The following ADARB1 variants were observed in gnomAD, a reference collection of about 807,000 sequenced individuals.
The protein encoded by ADARB1 is double-stranded RNA-specific editase 1.
In ADARB1, 10 loss-of-function variants were observed where a neutral mutation model predicts 52.4. The ratio of observed to expected loss-of-function variants is 0.19; its 90% CI spans 0.12 to 0.32. The LOEUF is 0.32. Ranked by LOEUF, ADARB1 falls within the 10% of genes least tolerant of loss-of-function variation. The pLI, the probability that ADARB1 is intolerant of heterozygous loss-of-function variation, is 1.00. For missense variants in ADARB1, 643 were observed against 922.3 expected, an observed-to-expected ratio of 0.70 and a Z score of 3.92; for synonymous variants, 349 against 371.1, an observed-to-expected ratio of 0.94 and a Z score of 0.68.
intron 2 of ADARB1, among the ~76,000 whole-genome samples, chr21:45,155,189 C>G (rs947433024): frequency 6.6e-6 from 1 of 152,198 alleles, no homozygotes; most frequent in African/African-American, 2.4e-5. Context: ...CTGGGCTCCC[C>G]CATGTTTCCA....
chr21:45,184,140 C>T (rs908008152), intron 7 of ADARB1, among the ~76,000 whole-genome samples: 26 of 152,146 alleles, frequency 1.7e-4, no homozygotes, highest in Admixed American at 1.4e-3. Flanking sequence ...TAAAATCATC[C>T]GTATTCCTGT....
intron 2 of ADARB1, chr21:45,134,790 T>G (rs1331091397): frequency 3.8e-6 from 2 of 533,020 alleles, no homozygotes; most frequent in African/African-American, 1.9e-5. Context: ...GCCAGGCCCA[T>G]GAGTGATGAA....
Position 45,183,503 on chromosome 21 carries a change from C to A in ADARB1, c.1389C>A (p.Ile463=). Residue 463 remains isoleucine, a synonymous_variant, in exon 7 of 11, where the codon ATC becomes ATA. Transcript: ENST00000348831. The part of the protein sequence containing the change: ...DARIFSPHEP[I]LEEPADRHPN... ...GAATCTTCTCACCACATGAGCCAAT[C>A]CTGGAAGGTATGAGACGAGATTCTT... 3 of 1,612,166 alleles carry A rather than the reference C, an allele frequency of 1.9e-6. No individual in the cohort carries two copies. Among genetic ancestry groups the A allele is most frequent in the Non-Finnish European group, 2.5e-6 (3 of 1,179,524 alleles).
chr21:45,134,639 C>G, intron 2 of ADARB1: 1 of 417,632 alleles, frequency 2.4e-6, no homozygotes, highest in Non-Finnish European at 4.8e-6. Context: ...TCCTACAGAT[C>G]CCTATGGACA....
At chr21:45,108,900 T>C (rs2145741783) in intron 1 of ADARB1, among the ~76,000 whole-genome samples, 1 of 152,362 alleles carries the variant, frequency 6.6e-6, no homozygotes, top group South Asian at 2.1e-4. Flanking sequence ...GGCTGTGTGA[T>C]TGCAGCCCAG....
In ADARB1 at chr21:45,180,327, C is replaced by A. The variant is rs370730582; in HGVS notation, c.964-3C>A. On this transcript the variant is annotated splice_polypyrimidine_tract_variant and splice_region_variant and intron_variant, in intron 4 of 10. Transcript: ENST00000348831. ...CTAACCTGCATCTGTGCTTCCCACA[C>A]AGGTTTTAGCTGACGCTGTCTCACG... The A allele has an allele frequency of 1.9e-6, 3 of 1,612,044 alleles. No homozygotes were observed. The African/African-American group carries it at 4.0e-5, about 22-fold the overall frequency.
chr21:45,146,204 G>T (rs1185377581), intron 2 of ADARB1: 2 of 152,078 alleles, frequency 1.3e-5, no homozygotes, highest in African/African-American at 4.8e-5. Flanking sequence ...TATGGTTTCG[G>T]ACGCACCTGA....
In ADARB1 at chr21:45,176,145, C is replaced by T; in HGVS notation, c.444C>T (p.Ala148=). Residue 148 remains alanine, a synonymous_variant, in exon 4 of 11, where the codon GCC becomes GCT. Transcript: ENST00000348831. This position sits in a 1 kb window ranked among gnomAD's most constrained non-coding sequence, Gnocchi z 5.8. ...ALRSFVQFPN[A]SEAHLAMGRT... is the part of the protein sequence containing the mutation. ...GGTCTTTCGTTCAGTTTCCTAATGCCTCTGAGGCCCACCTGGCCATGGGGA... is the reference window on the plus strand; with the variant it reads ...GGTCTTTCGTTCAGTTTCCTAATGCTTCTGAGGCCCACCTGGCCATGGGGA... The T allele has an allele frequency of 1.9e-6, 3 of 1,614,218 alleles. No homozygotes were observed. Among genetic ancestry groups the T allele is most frequent in the Non-Finnish European group, 2.5e-6 (3 of 1,180,044 alleles).
chr21:45,201,667 A>G (rs1369718684), intron 8 of ADARB1, among the ~76,000 whole-genome samples: 1 of 152,218 alleles, frequency 6.6e-6, no homozygotes, highest in Non-Finnish European at 1.5e-5. Context: ...TACATATTGT[A>G]AGTGCTGGGA....
intron 2 of ADARB1, among the ~76,000 whole-genome samples, chr21:45,151,992 C>G (rs911800448): frequency 6.6e-6 from 1 of 152,174 alleles, no homozygotes; most frequent in South Asian, 2.1e-4. Context: ...TGGTCCGAGA[C>G]ACGTGAGTTA....
chr21:45,156,155 T>TCATC (rs2090592754), intron 2 of ADARB1, among the ~76,000 whole-genome samples: 3 of 141,690 alleles, frequency 2.1e-5, no homozygotes, highest in East Asian at 2.3e-4. Flanking sequence ...CATCATCCAT[T>TCATC]CATCCATCCA....
chr21:45,202,118 G>C (rs1009422975), intron 8 of ADARB1, among the ~76,000 whole-genome samples: 4 of 152,068 alleles, frequency 2.6e-5, no homozygotes, highest in South Asian at 4.2e-4. Context: ...GCTGGCCCAC[G>C]TGTTCACAGG....
At chr21:45,109,291 C>CGT (rs2087420029) in intron 1 of ADARB1, among the ~76,000 whole-genome samples, 2 of 146,678 alleles carry the variant, frequency 1.4e-5, no homozygotes, top group Admixed American at 1.4e-4. Context: ...CGCGCTTGTG[C>CGT]ATATATGTGT....
At chr21:45,168,983 G>A (rs1475382854) in intron 2 of ADARB1, among the ~76,000 whole-genome samples, 2 of 152,200 alleles carry the variant, frequency 1.3e-5, no homozygotes, top group Non-Finnish European at 2.9e-5. Context: ...AGGAAGCGGG[G>A]ATGCTGTCTC....
chr21:45,081,636 C>G (rs1439130122), intron 1 of ADARB1, among the ~76,000 whole-genome samples: 1 of 152,148 alleles, frequency 6.6e-6, no homozygotes, highest in African/African-American at 2.4e-5. Flanking sequence ...CCTGTGCTGT[C>G]TTTATTGGCA....
intron 2 of ADARB1, among the ~76,000 whole-genome samples, chr21:45,153,341 G>GT (rs34024154): frequency 0.94 from 141,966 of 150,384 alleles, 67,161 homozygotes; most frequent in East Asian, 1. Context: ...AGCTGTTGAT[G>GT]TTTTTTTTTT....
chr21:45,130,314 C>T (rs1325979217), intron 2 of ADARB1, among the ~76,000 whole-genome samples: 3 of 152,044 alleles, frequency 2.0e-5, no homozygotes, highest in African/African-American at 4.8e-5. Flanking sequence ...ATTTATAATC[C>T]TTTGCACCAA....
intron 8 of ADARB1, among the ~76,000 whole-genome samples, chr21:45,187,986 G>A (rs1304543478): frequency 6.6e-6 from 1 of 152,048 alleles, no homozygotes; most frequent in Non-Finnish European, 1.5e-5. Flanking sequence ...TGATATCAGG[G>A]TACTGCTGGC....
Position 45,176,642 on chromosome 21 carries a change from G to T in ADARB1, c.941G>T (p.Gly314Val), listed in dbSNP as rs370266307. The change falls in exon 4 of 11, where the codon GGT (glycine) becomes GTT (valine). Residue 314 changes from glycine to valine, a missense_variant. Physicochemically the swap from Gly to Val is moderately radical, Grantham distance 109. This residue lies in a region of ADARB1 where 380 missense variants were observed against 446.5 expected (regional missense o/e 0.85). Transcript: ENST00000348831. This position sits in a 1 kb window ranked among gnomAD's most constrained non-coding sequence, Gnocchi z 5.8. ...TCTCGCCAGCCTATTCCCAGTGAGG[G>T]TCTTCAGCTGCATTTACCGCAGGTG... is the stretch of plus-strand genomic sequence containing the variant. ...TPSRQPIPSE[G>V]LQLHLPQVLA... is the part of the protein sequence containing the mutation. 3.1e-6 allele frequency: 5 copies of T among 1,610,272 alleles called. No homozygotes were observed. Among genetic ancestry groups the T allele is most frequent in the Non-Finnish European group, 4.2e-6 (5 of 1,178,252 alleles).
Sources: gnomAD v4.1 joint callset for allele counts (sites outside exome capture counted in the v4.1 genomes callset) on GRCh38, gnomAD v4.1.1 for gene constraint, gnomAD v4.1.1 regional missense constraint, Gnocchi (gnomAD v3.1) non-coding constraint, MANE v1.5 for transcripts, NCBI Gene and HGNC (gene_info 2026-07-23, HGNC 2026-07-21) for gene names.